The following CLEC16A variants were observed in gnomAD, a reference collection of about 807,000 sequenced individuals.
CLEC16A encodes protein CLEC16A.
A neutral mutation model predicts 109.5 loss-of-function variants in CLEC16A; 51 were observed. The observed-to-expected ratio is 0.47, with a 90% confidence interval of 0.37 to 0.59. The LOEUF (loss-of-function observed/expected upper bound fraction) is 0.59, where lower values mean the gene tolerates loss of function less well. CLEC16A is among the 20% of genes least tolerant of loss of function. CLEC16A has a pLI of 0.00. For missense variants in CLEC16A, 1,339 were observed against 1,394.0 expected (o/e 0.96, Z 0.63); for synonymous variants, 673 against 564.2 (o/e 1.19, Z -2.73).
At chr16:11,028,562 G>T (rs1012154325) in intron 13 of CLEC16A, among the ~76,000 whole-genome samples, 3 of 150,628 alleles carry the variant, frequency 2.0e-5, no homozygotes, top group African/African-American at 7.3e-5. Flanking sequence ...AAAAAAAGAA[G>T]CTCTAATTAT....
At chr16:11,042,023 G>A (rs915553579) in intron 14 of CLEC16A, 6 of 509,290 alleles carry the variant, frequency 1.2e-5, no homozygotes, top group African/African-American at 9.7e-5. Flanking sequence ...TCAGTAAAGG[G>A]ACTTCAGGGA....
intron 18 of CLEC16A, among the ~76,000 whole-genome samples, chr16:11,054,932 CTTTT>C (rs151109740): frequency 7.7e-6 from 1 of 130,606 alleles, no homozygotes; most frequent in Non-Finnish European, 1.7e-5. Context: ...GGTTTTCTTT[CTTTT>C]TTTTTTTTTT....
chr16:11,180,215 G>C lies in CLEC16A; in HGVS notation c.*1525G>C, dbSNP rs1019116567. 6.6e-6 allele frequency: 1 copy of C among 152,398 alleles called. No individual in the cohort carries two copies. The highest frequency in any genetic ancestry group is 1.5e-5 in the Non-Finnish European group (1 of 68,162). 9.4% of individuals were successfully genotyped at this position (152,398 alleles called of 1,614,324 possible). ...TCGGCCCAGCCAGCTGTCCCGGCAAGGCCTGCCGAGGGCAGTTTTCAACCT... is the reference window on the plus strand; with the variant it reads ...TCGGCCCAGCCAGCTGTCCCGGCAACGCCTGCCGAGGGCAGTTTTCAACCT... On this transcript the variant is annotated 3_prime_UTR_variant, in exon 24 of 24. Coordinates refer to ENST00000409790, the MANE Select transcript of CLEC16A (RefSeq NM_015226.3).
At chr16:11,156,967 G>GGCA in intron 22 of CLEC16A, 1 of 562,412 alleles carries the variant, frequency 1.8e-6, no homozygotes, top group Non-Finnish European at 2.6e-6. Context: ...CATTAGACTT[G>GGCA]GCAGCCCTCA....
At chr16:11,135,721 G>T (rs1412133820) in intron 22 of CLEC16A, among the ~76,000 whole-genome samples, 1 of 152,242 alleles carries the variant, frequency 6.6e-6, no homozygotes, top group East Asian at 1.9e-4. Context: ...TCTGCCATTT[G>T]ACCTGGGCCA....
In CLEC16A at chr16:11,178,074, A is replaced by C. The variant is rs902320485; in HGVS notation, c.2807-261A>C. ...TTCATAAGCCACATGCTGATTTTGC[A>C]CAGGCCCTGAATTTTCCCCTCATAT... On this transcript the variant is annotated intron_variant, in intron 23 of 23. Transcript: ENST00000409790. The surrounding 1 kb of genome is among the most constrained non-coding windows in gnomAD (Gnocchi z 6.5). Among the ~76,000 whole-genome samples, 1 of 152,138 alleles carries C rather than the reference A, an allele frequency of 6.6e-6. No homozygotes were observed. Among genetic ancestry groups the C allele is most frequent in the East Asian group, 1.9e-4 (1 of 5,194 alleles).
chr16:11,170,517 G>A (rs1207411751), intron 23 of CLEC16A, among the ~76,000 whole-genome samples: 5 of 152,296 alleles, frequency 3.3e-5, no homozygotes, highest in East Asian at 1.9e-4. Flanking sequence ...TTCCCGTGGG[G>A]ACCTCAGCCT....
intron 17 of CLEC16A, among the ~76,000 whole-genome samples, chr16:11,050,824 A>G (rs185439861): frequency 1.7e-4 from 26 of 152,336 alleles, no homozygotes; most frequent in Middle Eastern, 3.4e-3. Context: ...AGATGCTCCA[A>G]TAATGATTGT....
At chr16:11,071,660 T>C (rs1289451423) in intron 19 of CLEC16A, among the ~76,000 whole-genome samples, 1 of 150,394 alleles carries the variant, frequency 6.6e-6, no homozygotes, top group Non-Finnish European at 1.5e-5. Context: ...TGGAGTGCAG[T>C]ATTGCAACCT....
At chr16:11,159,860 A>G (rs1047877082) in intron 22 of CLEC16A, among the ~76,000 whole-genome samples, 1 of 152,182 alleles carries the variant, frequency 6.6e-6, no homozygotes, top group Non-Finnish European at 1.5e-5. Context: ...AGTAGCTTTC[A>G]GTATTTAGTA....
At chr16:11,134,856 C>A (rs2153055301) in intron 22 of CLEC16A, among the ~76,000 whole-genome samples, 1 of 152,308 alleles carries the variant, frequency 6.6e-6, no homozygotes, top group East Asian at 1.9e-4. Flanking sequence ...CAAGGGATGC[C>A]CCTGGTCTAG....
chr16:10,969,143 G>GT lies in CLEC16A; in HGVS notation c.344-11dup, dbSNP rs770561483. On this transcript the variant is annotated splice_polypyrimidine_tract_variant and intron_variant, in intron 3 of 23. Coordinates refer to ENST00000409790, the MANE Select transcript of CLEC16A (RefSeq NM_015226.3). ...CCTCCAGCATGAGTTAACCTGTTTT[G>GT]TTTTTTTCTCCCTCTAGATTATTTG... The GT allele has an allele frequency of 1.9e-6, 3 of 1,594,630 alleles. No individual in the cohort carries two copies. Among genetic ancestry groups the GT allele is most frequent in the African/African-American group, 2.7e-5 (2 of 73,356 alleles).
intron 10 of CLEC16A, among the ~76,000 whole-genome samples, chr16:10,998,998 CAAAA>C (rs1013097515): frequency 1.4e-5 from 2 of 147,982 alleles, no homozygotes; most frequent in African/African-American, 5.2e-5. Flanking sequence ...TAAGAAAAAA[CAAAA>C]AACAAAAAAC....
At chr16:10,957,639 A>C in intron 1 of CLEC16A, 143 bp from the exon 2 acceptor site, 1 of 778,604 alleles carries the variant, frequency 1.3e-6, no homozygotes, top group South Asian at 1.7e-5. Flanking sequence ...GTTGTGAGTT[A>C]CATCTAATCT....
intron 19 of CLEC16A, among the ~76,000 whole-genome samples, chr16:11,079,798 G>C (rs77790189): frequency 1.3e-4 from 20 of 152,164 alleles, no homozygotes; most frequent in Non-Finnish European, 2.6e-4. Flanking sequence ...GCATTCTTCA[G>C]AGCAGCAAAA....
At chr16:11,102,781 G>A (rs1376535373) in intron 19 of CLEC16A, among the ~76,000 whole-genome samples, 3 of 152,246 alleles carry the variant, frequency 2.0e-5, no homozygotes, top group Non-Finnish European at 1.5e-5. Flanking sequence ...AACTCAGAGA[G>A]CTGCTGTTAC....
chr16:11,060,806 T>C (rs78653150), intron 18 of CLEC16A, 96 bp from the exon 19 acceptor site: 53 of 1,272,028 alleles, frequency 4.2e-5, no homozygotes, highest in Non-Finnish European at 5.4e-5. Flanking sequence ...CTTTCTTTTT[T>C]AATAGAGAGT....
chr16:11,021,231 C>T (rs996408762), intron 12 of CLEC16A, among the ~76,000 whole-genome samples: 1 of 152,170 alleles, frequency 6.6e-6, no homozygotes, highest in Non-Finnish European at 1.5e-5. Context: ...GCAAATGTTT[C>T]AATGACTTAA....
chr16:11,124,289 A>T (rs1357053569), intron 21 of CLEC16A, among the ~76,000 whole-genome samples: 3 of 152,204 alleles, frequency 2.0e-5, no homozygotes, highest in African/African-American at 7.2e-5. Flanking sequence ...TCCGATCCTT[A>T]AAACAACTCT....
Sources: allele counts gnomAD v4.1 joint callset (sites outside exome capture counted in the v4.1 genomes callset), GRCh38; gene constraint gnomAD v4.1.1; non-coding constraint Gnocchi (gnomAD v3.1); transcripts MANE v1.5; gene names NCBI Gene and HGNC (gene_info 2026-07-23, HGNC 2026-07-21).